RORA: variants seen among roughly 807,000 people sequenced by gnomAD.
RORA encodes RAR related orphan receptor A.
RORA carries 7 observed loss-of-function variants against 69.5 expected under a neutral mutation model. The observed-to-expected ratio is 0.10, with a 90% confidence interval of 0.06 to 0.19. The LOEUF is 0.19. Among genes scored for constraint, RORA ranks in the 10% least tolerant of loss-of-function variants. The pLI, the probability that RORA is intolerant of heterozygous loss-of-function variation, is 1.00. For synonymous variants in RORA, 261 were observed against 240.8 expected (o/e 1.08, Z -0.78); for missense variants, 457 against 663.0 (o/e 0.69, Z 3.41).
chr15:60,880,078 G>T (rs2073662014), intron 1 of RORA, among the ~76,000 whole-genome samples: 1 of 152,214 alleles, frequency 6.6e-6, no homozygotes, highest in South Asian at 2.1e-4. Context: ...TGTGTAAGTT[G>T]TAAGGAGCAG....
intron 2 of RORA, among the ~76,000 whole-genome samples, chr15:60,651,215 A>G (rs866576443): frequency 6.6e-5 from 10 of 152,206 alleles, no homozygotes; most frequent in African/African-American, 2.4e-4. Flanking sequence ...TTAAACGTAC[A>G]TGTCAGAACT....
chr15:60,967,468 G>A (rs1893587388), intron 1 of RORA, among the ~76,000 whole-genome samples: 1 of 152,174 alleles, frequency 6.6e-6, no homozygotes, highest in Non-Finnish European at 1.5e-5. Flanking sequence ...CCCTGGTTAT[G>A]TCTATCATTA....
intron 1 of RORA, among the ~76,000 whole-genome samples, chr15:60,908,349 T>A (rs1891604814): frequency 6.6e-6 from 1 of 152,182 alleles, no homozygotes; most frequent in Admixed American, 6.5e-5. Context: ...CAAAAAATAC[T>A]AATCAAAATG....
intron 1 of RORA, among the ~76,000 whole-genome samples, chr15:60,902,270 T>C (rs1891413010): frequency 7.0e-6 from 1 of 143,270 alleles, no homozygotes; most frequent in African/African-American, 2.5e-5. Flanking sequence ...TTGAACTATT[T>C]CAATTTTATG....
At position 60,489,029 on chromosome 15, in the gene RORA, A is replaced by G. The variant is rs191433886; in HGVS notation, c.*8426T>C. The G allele has an allele frequency of 7.1e-6, 1 of 141,064 alleles. No homozygotes were observed. The highest frequency in any genetic ancestry group is 1.6e-5 in the Non-Finnish European group (1 of 62,214). The allele number at this position is 141,064 out of a possible 1,614,324, so 8.7% of individuals were successfully genotyped here. On this transcript the variant is annotated 3_prime_UTR_variant, in exon 11 of 11. Transcript: ENST00000335670. ...CATTTAACAATTGTCAAATGCTGAC[A>G]TGTGCTAGCCATTGTGCAGACGCAA...
At chr15:60,820,209 A>G (rs540437511) in intron 1 of RORA, among the ~76,000 whole-genome samples, 2 of 152,324 alleles carry the variant, frequency 1.3e-5, no homozygotes, top group African/African-American at 4.8e-5. Context: ...GGGAATTTAC[A>G]GGGTTTCTCT....
chr15:60,936,553 G>A (rs140390936), intron 1 of RORA, among the ~76,000 whole-genome samples: 140 of 152,258 alleles, frequency 9.2e-4, no homozygotes, highest in Non-Finnish European at 1.7e-3. Flanking sequence ...CTCCATCACC[G>A]TCACCATCAC....
In RORA at chr15:61,061,388, A is replaced by C. The variant is rs145244854; in HGVS notation, c.166+167665T>G. ...AAATAAATAAATAAATAAATAAATA[A>C]ATAAATAAATACAAGGGCATCGCAG... On this transcript the variant is annotated intron_variant, in intron 1 of 10. Coordinates refer to ENST00000335670, the MANE Select transcript of RORA (RefSeq NM_134261.3). This position sits in a 1 kb window ranked among gnomAD's most constrained non-coding sequence, Gnocchi z 4.4. 3.4e-4 allele frequency among the ~76,000 whole-genome samples: 42 copies of C among 122,932 alleles called. No homozygotes were observed. Among genetic ancestry groups the C allele is most frequent in the African/African-American group, 8.5e-4 (30 of 35,368 alleles). 80.6% of individuals were successfully genotyped at this position (122,932 alleles called of 152,430 possible).
chr15:60,793,317 C>T (rs915446370), intron 1 of RORA, among the ~76,000 whole-genome samples: 2 of 152,178 alleles, frequency 1.3e-5, no homozygotes, highest in Admixed American at 6.5e-5. Flanking sequence ...CATTCAAGAA[C>T]TAATAAGGCT....
chr15:61,107,787 T>C (rs2078965864), intron 1 of RORA, among the ~76,000 whole-genome samples: 1 of 151,988 alleles, frequency 6.6e-6, no homozygotes, highest in Non-Finnish European at 1.5e-5. Flanking sequence ...TCCTCTCCCT[T>C]ATTGCAATTT....
At chr15:61,064,665 T>C (rs1012729635) in intron 1 of RORA, among the ~76,000 whole-genome samples, 2 of 152,164 alleles carry the variant, frequency 1.3e-5, no homozygotes, top group African/African-American at 2.4e-5. Flanking sequence ...AGATTTACCA[T>C]GGATAGCTTT....
chr15:60,911,136 T>C (rs1595810878), intron 1 of RORA, among the ~76,000 whole-genome samples: 1 of 145,250 alleles, frequency 6.9e-6, no homozygotes, highest in South Asian at 2.2e-4. Flanking sequence ...GATTTCACCA[T>C]GTTGGCCAGG....
chr15:61,080,873 C>T (rs2078529369), intron 1 of RORA, among the ~76,000 whole-genome samples: 1 of 152,190 alleles, frequency 6.6e-6, no homozygotes, highest in Admixed American at 6.5e-5. Context: ...GGAGCTGTTT[C>T]AGATTTTGGC....
chr15:60,596,691 T>G (rs2068673508), intron 2 of RORA, among the ~76,000 whole-genome samples: 1 of 152,178 alleles, frequency 6.6e-6, no homozygotes, highest in African/African-American at 2.4e-5. Context: ...GACAAGGAAC[T>G]CTGCTGTTTA....
chr15:60,948,698 G>A lies in RORA; in HGVS notation c.167-270012C>T, dbSNP rs538564346. On this transcript the variant is annotated intron_variant, in intron 1 of 10. Coordinates refer to ENST00000335670, the MANE Select transcript of RORA (RefSeq NM_134261.3). ...AAGATAATAGAAATATTAAGGGAAAGAACAAGGTCACACATTTGGATCTTC... is the reference window on the plus strand; with the variant it reads ...AAGATAATAGAAATATTAAGGGAAAAAACAAGGTCACACATTTGGATCTTC... 2.6e-5 allele frequency among the ~76,000 whole-genome samples: 4 copies of A among 152,314 alleles called. No homozygotes were observed. The South Asian group carries it at 6.2e-4, about 24-fold the overall frequency.
intron 1 of RORA, among the ~76,000 whole-genome samples, chr15:60,895,584 T>TC (rs61036244): frequency 0.66 from 100,543 of 151,912 alleles, 34,602 homozygotes; most frequent in South Asian, 0.82. Context: ...TTTCAATAGC[T>TC]CGGCATCTTG....
At chr15:60,855,063 C>T (rs1355794283) in intron 1 of RORA, among the ~76,000 whole-genome samples, 3 of 152,200 alleles carry the variant, frequency 2.0e-5, no homozygotes, top group Non-Finnish European at 4.4e-5. Context: ...GCAGAGCTTA[C>T]GATTGTGCTT....
rs1489658017 is a variant in RORA at position 60,514,330 on chromosome 15, T to C, written c.424+286A>G. On this transcript the variant is annotated intron_variant, in intron 4 of 10. Transcript: ENST00000335670. ...CTTACCGTCAGTCAATCGACCCACC[T>C]ATAATGGCTGAAATATCAAAAATCT... Among the ~76,000 whole-genome samples the C allele has an allele frequency of 5.9e-5, 9 of 152,214 alleles. No homozygotes were observed. In the East Asian group the frequency reaches 1.5e-3, roughly 26 times the overall value.
intron 2 of RORA, among the ~76,000 whole-genome samples, chr15:60,646,585 C>T (rs943336268): frequency 6.6e-6 from 1 of 152,216 alleles, no homozygotes; most frequent in Non-Finnish European, 1.5e-5. Flanking sequence ...GACTTCCAAG[C>T]CCCCGAATGG....
Sources: allele counts gnomAD v4.1 joint callset (sites outside exome capture counted in the v4.1 genomes callset), GRCh38; gene constraint gnomAD v4.1.1; non-coding constraint Gnocchi (gnomAD v3.1); transcripts MANE v1.5; gene names NCBI Gene and HGNC (gene_info 2026-07-23, HGNC 2026-07-21).